KAT6B: variants seen among roughly 807,000 people sequenced by gnomAD.
KAT6B encodes the protein histone acetyltransferase KAT6B.
In KAT6B, 10 loss-of-function variants were observed where a neutral mutation model predicts 187.5. That is an observed-to-expected ratio of 0.05 (90% CI 0.03 to 0.09). The LOEUF (loss-of-function observed/expected upper bound fraction) is 0.09, where lower values mean the gene tolerates loss of function less well. Ranked by LOEUF, KAT6B falls within the 10% of genes least tolerant of loss-of-function variation. The pLI is 1.00. For synonymous variants in KAT6B, 861 were observed against 926.8 expected (o/e 0.93, Z 1.29); for missense variants, 1,952 against 2,558.9 (o/e 0.76, Z 5.12).
At position 75,030,630 on chromosome 10, in the gene KAT6B, G is replaced by A. The variant is rs372902605; in HGVS notation, c.5806G>A (p.Ala1936Thr). Residue 1936 changes from alanine to threonine, a missense_variant, in exon 18 of 18, where the codon GCT becomes ACT. Coordinates refer to ENST00000287239, the MANE Select transcript of KAT6B (RefSeq NM_012330.4). The surrounding 1 kb of genome is among the most constrained non-coding windows in gnomAD (Gnocchi z 4.8). ...CAAGTCAGCGTCTCTGTCACCAGCC[G>A]CTGCCACCCATCAGTCACAAATCTA... ...RTKSASLSPA[A>T]ATHQSQIYGR... The A allele has an allele frequency of 1.4e-5, 23 of 1,613,242 alleles. No individual in the cohort carries two copies. In the African/African-American group the frequency reaches 1.9e-4, roughly 13 times the overall value.
intron 3 of KAT6B, among the ~76,000 whole-genome samples, chr10:74,912,377 A>ATAGAT (rs1412721380): frequency 6.9e-6 from 1 of 145,810 alleles, no homozygotes. Flanking sequence ...GGATGGATGG[A>ATAGAT]TAGATAGATA....
At chr10:74,928,856 A>G (rs375117946) in intron 3 of KAT6B, among the ~76,000 whole-genome samples, 2 of 152,208 alleles carry the variant, frequency 1.3e-5, no homozygotes, top group African/African-American at 2.4e-5. Context: ...AATGACTTTG[A>G]TAAGTACAAG....
At chr10:75,009,832 T>A (rs1054097818) in intron 13 of KAT6B, among the ~76,000 whole-genome samples, 3 of 151,992 alleles carry the variant, frequency 2.0e-5, no homozygotes, top group Non-Finnish European at 2.9e-5. Flanking sequence ...AGCAACCCGA[T>A]CTCTACTAAA....
intron 3 of KAT6B, among the ~76,000 whole-genome samples, chr10:74,932,207 G>A (rs896962256): frequency 1.3e-4 from 20 of 152,208 alleles, no homozygotes; most frequent in African/African-American, 3.9e-4. Flanking sequence ...ATCAAGTACA[G>A]TAACGACTCA....
chr10:75,005,294 T>G (rs1844131006), intron 13 of KAT6B, among the ~76,000 whole-genome samples: 1 of 151,734 alleles, frequency 6.6e-6, no homozygotes, highest in Non-Finnish European at 1.5e-5. Context: ...CTCAGCTCAC[T>G]GCAGCCTCTG....
At chr10:74,917,381 A>G (rs1229553086) in intron 3 of KAT6B, among the ~76,000 whole-genome samples, 1 of 151,992 alleles carries the variant, frequency 6.6e-6, no homozygotes, top group African/African-American at 2.4e-5. Context: ...CACCTCCTGT[A>G]TTTTTCTCTG....
Position 74,868,971 on chromosome 10 carries a change from T to A in KAT6B, c.621+25493T>A, listed in dbSNP as rs76925810. ...TGCCCTGCTGCTGTTTTAATGAAAA[T>A]CAGCCTTGTTCTGAACCACAGTTTT... On this transcript the variant is annotated intron_variant, in intron 3 of 17. Coordinates refer to ENST00000287239, the MANE Select transcript of KAT6B (RefSeq NM_012330.4). Among the ~76,000 whole-genome samples the A allele has an allele frequency of 2.6e-3, 390 of 152,334 alleles. 2 individuals carry two copies. The highest frequency in any genetic ancestry group is 9.0e-3 in the African/African-American group (376 of 41,582).
At chr10:74,944,139 C>T (rs113204458) in intron 3 of KAT6B, among the ~76,000 whole-genome samples, 18 of 152,178 alleles carry the variant, frequency 1.2e-4, no homozygotes, top group African/African-American at 4.3e-4. Flanking sequence ...CCAGGAACAG[C>T]CTTGGATGAC....
intron 3 of KAT6B, among the ~76,000 whole-genome samples, chr10:74,897,926 C>A (rs1045004370): frequency 2.1e-4 from 32 of 152,108 alleles, no homozygotes; most frequent in Admixed American, 2.0e-3. Flanking sequence ...AATTCATTTG[C>A]AGATTATTTT....
At chr10:74,884,293 C>T (rs981412829) in intron 3 of KAT6B, among the ~76,000 whole-genome samples, 4 of 152,150 alleles carry the variant, frequency 2.6e-5, no homozygotes, top group African/African-American at 9.7e-5. Context: ...GACTATTAAC[C>T]AGAAATTTTA....
intron 8 of KAT6B, 175 bp from the exon 9 acceptor site, chr10:74,977,141 G>A: frequency 1.8e-6 from 1 of 559,200 alleles, no homozygotes; most frequent in Non-Finnish European, 3.2e-6. Flanking sequence ...GAGTATAGCA[G>A]GGAAAGGATA....
intron 3 of KAT6B, among the ~76,000 whole-genome samples, chr10:74,897,700 C>CT (rs1846088551): frequency 6.6e-6 from 1 of 152,190 alleles, no homozygotes; most frequent in Admixed American, 6.5e-5. Flanking sequence ...TTTTTAAATA[C>CT]TTTCACCTTG....
chr10:74,952,191 T>G (rs992577996), intron 3 of KAT6B, among the ~76,000 whole-genome samples: 2 of 151,936 alleles, frequency 1.3e-5, no homozygotes, highest in African/African-American at 4.8e-5. Flanking sequence ...CCCATCTCTA[T>G]GAAAAGTTAA....
chr10:74,969,652 T>C lies in KAT6B; in HGVS notation c.731-8T>C, dbSNP rs1177796748. ...TCCCATCAAGCAATTTGCTTTTTATTCTCATAGGACACCCATCCTGTTTGA... is the reference window on the plus strand; with the variant it reads ...TCCCATCAAGCAATTTGCTTTTTATCCTCATAGGACACCCATCCTGTTTGA... On this transcript the variant is annotated splice_region_variant and splice_polypyrimidine_tract_variant and intron_variant, in intron 4 of 17. Coordinates refer to ENST00000287239, the MANE Select transcript of KAT6B (RefSeq NM_012330.4). 1.3e-6 allele frequency: 2 copies of C among 1,576,994 alleles called. No homozygotes were observed. The highest frequency in any genetic ancestry group is 1.7e-6 in the Non-Finnish European group (2 of 1,146,476).
At chr10:74,922,293 GA>G (rs1190039875) in intron 3 of KAT6B, among the ~76,000 whole-genome samples, 1 of 152,144 alleles carries the variant, frequency 6.6e-6, no homozygotes, top group Non-Finnish European at 1.5e-5. Flanking sequence ...GTGAGCTTTA[GA>G]AGTCAAATTT....
chr10:74,908,883 A>C (rs555068001), intron 3 of KAT6B, among the ~76,000 whole-genome samples: 2 of 152,118 alleles, frequency 1.3e-5, no homozygotes, highest in African/African-American at 2.4e-5. Flanking sequence ...CTGCAAGCCC[A>C]CATGCTGCCT....
rs1337839966 is a variant in KAT6B, at chr10:74,838,762, C to T, written c.-259+10C>T. 6.6e-6 allele frequency: 1 copy of T among 152,118 alleles called. No individual in the cohort carries two copies. Among genetic ancestry groups the T allele is most frequent in the African/African-American group, 2.4e-5 (1 of 41,414 alleles). 9.4% of individuals were successfully genotyped at this position (152,118 alleles called of 1,614,324 possible). ...TGAAGTTCCAATTCTGGTACTTTCC[C>T]TTATTTTATTACATTTTTAAGGTAT... On this transcript the variant is annotated intron_variant, in intron 2 of 17. Coordinates refer to ENST00000287239, the MANE Select transcript of KAT6B (RefSeq NM_012330.4).
intron 13 of KAT6B, among the ~76,000 whole-genome samples, chr10:74,990,195 T>TA (rs1444952757): frequency 4.0e-5 from 1 of 24,896 alleles, no homozygotes; most frequent in Non-Finnish European, 6.6e-5. Context: ...AGACTCTGTC[T>TA]CAAAAAAAAA....
intron 13 of KAT6B, among the ~76,000 whole-genome samples, chr10:74,990,286 T>C (rs1240334699): frequency 6.6e-6 from 1 of 151,386 alleles, no homozygotes; most frequent in African/African-American, 2.4e-5. Flanking sequence ...TATCTGATTA[T>C]TAACTGAAAG....
Sources: allele counts gnomAD v4.1 joint callset (sites outside exome capture counted in the v4.1 genomes callset), GRCh38; gene constraint gnomAD v4.1.1; non-coding constraint Gnocchi (gnomAD v3.1); transcripts MANE v1.5; gene names NCBI Gene and HGNC (gene_info 2026-07-23, HGNC 2026-07-21).